The following NCAM2 variants were observed in gnomAD, a reference collection of about 807,000 sequenced individuals.
The protein encoded by NCAM2 is N-CAM-2.
Under a neutral mutation model 98.1 loss-of-function variants are expected in NCAM2, and 30 were observed. That is an observed-to-expected ratio of 0.31 (90% CI 0.23 to 0.41). The LOEUF (loss-of-function observed/expected upper bound fraction) is 0.41, where lower values mean the gene tolerates loss of function less well. Among genes scored for constraint, NCAM2 ranks in the 10% least tolerant of loss-of-function variants. The pLI is 1.00. For synonymous variants in NCAM2, 368 were observed against 342.4 expected (o/e 1.07, Z -0.83); for missense variants, 867 against 1,005.8 (o/e 0.86, Z 1.87).
At chr21:21,487,646 T>A (rs1986501902) in intron 15 of NCAM2, among the ~76,000 whole-genome samples, 1 of 152,164 alleles carries the variant, frequency 6.6e-6, no homozygotes, top group South Asian at 2.1e-4. Context: ...TCAGGATTTT[T>A]AAAATATAGA....
intron 15 of NCAM2, among the ~76,000 whole-genome samples, chr21:21,480,510 A>G (rs1272738158): frequency 6.6e-6 from 1 of 152,142 alleles, no homozygotes; most frequent in Non-Finnish European, 1.5e-5. Flanking sequence ...AAAGAGCATG[A>G]TCTGTTCTAG....
At chr21:21,242,416 C>G (rs570509472) in intron 1 of NCAM2, among the ~76,000 whole-genome samples, 1 of 152,284 alleles carries the variant, frequency 6.6e-6, no homozygotes, top group South Asian at 2.1e-4. Flanking sequence ...TCATTCTGTA[C>G]AATAGATTGA....
At chr21:21,247,059 C>A (rs1396434353) in intron 1 of NCAM2, among the ~76,000 whole-genome samples, 1 of 151,946 alleles carries the variant, frequency 6.6e-6, no homozygotes, top group African/African-American at 2.4e-5. Flanking sequence ...TTGGCTCACG[C>A]CTGTAATCCC....
intron 1 of NCAM2, among the ~76,000 whole-genome samples, chr21:21,131,740 A>C (rs2066940938): frequency 6.6e-6 from 1 of 152,198 alleles, no homozygotes; most frequent in Non-Finnish European, 1.5e-5. Context: ...TGCTGTATGA[A>C]AATTGTATGC....
In NCAM2 at chr21:21,103,247, A is replaced by G. The variant is rs550424925; in HGVS notation, c.55+104629A>G. 6.3e-3 allele frequency among the ~76,000 whole-genome samples: 953 copies of G among 151,916 alleles called. 8 individuals carry two copies. Among genetic ancestry groups the G allele is most frequent in the Non-Finnish European group, 0.011 (717 of 67,930 alleles). The stretch of plus-strand genomic sequence containing the variant: ...GAAATACTTTAATAGTATTTAGGTT[A>G]GTCATTTGTTAGTGAGCAGAAAAAA... On this transcript the variant is annotated intron_variant, in intron 1 of 17. Coordinates refer to ENST00000400546, the MANE Select transcript of NCAM2 (RefSeq NM_004540.5).
chr21:21,422,344 T>A (rs906662863), intron 11 of NCAM2, among the ~76,000 whole-genome samples: 10 of 152,238 alleles, frequency 6.6e-5, no homozygotes, highest in African/African-American at 2.2e-4. Context: ...ACATTACTTG[T>A]TGGATGCAAT....
chr21:21,371,216 A>G (rs1404705726), intron 8 of NCAM2, among the ~76,000 whole-genome samples: 1 of 151,866 alleles, frequency 6.6e-6, no homozygotes, highest in Non-Finnish European at 1.5e-5. Flanking sequence ...TGACTGTAGA[A>G]ACTGGTGGAT....
chr21:21,451,333 G>C (rs146761805), intron 12 of NCAM2, among the ~76,000 whole-genome samples: 3 of 152,020 alleles, frequency 2.0e-5, no homozygotes, highest in South Asian at 4.1e-4. Flanking sequence ...CACATTGATC[G>C]TTTTATTCTT....
intron 1 of NCAM2, among the ~76,000 whole-genome samples, chr21:21,045,063 T>C (rs2064982090): frequency 6.6e-6 from 1 of 152,126 alleles, no homozygotes; most frequent in South Asian, 2.1e-4. Flanking sequence ...GTGTTGTAAA[T>C]GTCAAGAATA....
chr21:21,060,790 G>A (rs1218800863), intron 1 of NCAM2, among the ~76,000 whole-genome samples: 2 of 152,086 alleles, frequency 1.3e-5, no homozygotes, highest in Non-Finnish European at 2.9e-5. Flanking sequence ...ATTGAGCTTA[G>A]AGCAGGTACA....
At chr21:21,106,749 G>GA (rs2066358125) in intron 1 of NCAM2, among the ~76,000 whole-genome samples, 1 of 151,704 alleles carries the variant, frequency 6.6e-6, no homozygotes, top group Non-Finnish European at 1.5e-5. Flanking sequence ...ATGTAGGAAA[G>GA]AAAAAAGAAT....
intron 1 of NCAM2, among the ~76,000 whole-genome samples, chr21:21,017,239 A>T (rs1474705156): frequency 6.6e-6 from 1 of 151,926 alleles, no homozygotes; most frequent in Non-Finnish European, 1.5e-5. Flanking sequence ...ATCCTGGCCA[A>T]CATGGTGAAA....
intron 1 of NCAM2, among the ~76,000 whole-genome samples, chr21:21,198,270 T>A (rs1249331289): frequency 6.6e-6 from 1 of 151,572 alleles, no homozygotes; most frequent in East Asian, 2.0e-4. Flanking sequence ...TTTAATATAG[T>A]TAACTGGATT....
At chr21:21,488,726 A>G (rs1305157697) in intron 15 of NCAM2, among the ~76,000 whole-genome samples, 2 of 151,906 alleles carry the variant, frequency 1.3e-5, no homozygotes, top group Admixed American at 6.5e-5. Flanking sequence ...TGATATTAAT[A>G]TGATATAAGC....
chr21:21,478,829 A>G (rs1369111714), intron 15 of NCAM2, among the ~76,000 whole-genome samples: 2 of 152,148 alleles, frequency 1.3e-5, no homozygotes, highest in African/African-American at 2.4e-5. Context: ...AAGAGGTTTA[A>G]TGACATGTTG....
At chr21:21,087,987 A>C (rs2065937551) in intron 1 of NCAM2, among the ~76,000 whole-genome samples, 1 of 152,210 alleles carries the variant, frequency 6.6e-6, no homozygotes, top group Non-Finnish European at 1.5e-5. Context: ...AATACACATA[A>C]GCTCTGTAAA....
intron 1 of NCAM2, among the ~76,000 whole-genome samples, chr21:21,165,042 A>G (rs1404538880): frequency 6.6e-6 from 1 of 152,206 alleles, no homozygotes; most frequent in Non-Finnish European, 1.5e-5. Flanking sequence ...ACTCCAAAAC[A>G]ATCCTTGGTT....
chr21:21,255,122 G>A (rs575778626), intron 1 of NCAM2, among the ~76,000 whole-genome samples: 8 of 152,200 alleles, frequency 5.3e-5, no homozygotes, highest in Admixed American at 3.3e-4. Flanking sequence ...GTTAAATGTC[G>A]GGATCTCATG....
intron 15 of NCAM2, among the ~76,000 whole-genome samples, chr21:21,491,862 T>G (rs1602491809): frequency 1.3e-5 from 2 of 151,608 alleles, no homozygotes; most frequent in African/African-American, 4.8e-5. Flanking sequence ...TACTTATACT[T>G]CTTTTAAATG....
Sources: allele counts gnomAD v4.1 joint callset (sites outside exome capture counted in the v4.1 genomes callset), GRCh38; gene constraint gnomAD v4.1.1; transcripts MANE v1.5; gene names NCBI Gene and HGNC (gene_info 2026-07-23, HGNC 2026-07-21).